SYNDIG1: variants seen among roughly 807,000 people sequenced by gnomAD.
The protein encoded by SYNDIG1 is synapse differentiation inducing 1.
SYNDIG1 carries 9 observed loss-of-function variants against 19.4 expected under a neutral mutation model. The observed-to-expected ratio is 0.46, with a 90% confidence interval of 0.28 to 0.81. The LOEUF is 0.81. Ranked by LOEUF, SYNDIG1 falls within the 30% of genes least tolerant of loss-of-function variation. SYNDIG1 has a pLI of 0.12. For missense variants in SYNDIG1, 311 were observed against 343.3 expected, an observed-to-expected ratio of 0.91 and a Z score of 0.74; for synonymous variants, 141 against 145.9, an observed-to-expected ratio of 0.97 and a Z score of 0.24.
intron 1 of SYNDIG1, among the ~76,000 whole-genome samples, chr20:24,517,381 C>T (rs1450768633): frequency 1.3e-5 from 2 of 150,268 alleles, no homozygotes; most frequent in African/African-American, 2.4e-5. Context: ...TTTGGGAGGC[C>T]GAGGCGGGCA....
At chr20:24,574,438 G>A (rs1410196006) in intron 2 of SYNDIG1, among the ~76,000 whole-genome samples, 1 of 152,058 alleles carries the variant, frequency 6.6e-6, no homozygotes, top group Non-Finnish European at 1.5e-5. Flanking sequence ...GCAGTGAGCC[G>A]AGATTGTGCC....
intron 3 of SYNDIG1, among the ~76,000 whole-genome samples, chr20:24,611,502 CT>C (rs1043185497): frequency 4.1e-4 from 62 of 152,264 alleles, no homozygotes; most frequent in African/African-American, 1.5e-3. Context: ...CCAGCACCCC[CT>C]CCCACCCATA....
intron 3 of SYNDIG1, among the ~76,000 whole-genome samples, chr20:24,590,059 G>A (rs1000216112): frequency 3.9e-5 from 6 of 152,190 alleles, no homozygotes; most frequent in African/African-American, 1.2e-4. Flanking sequence ...ACTTTTCTCC[G>A]TTTTACTCAC....
chr20:24,479,756 C>T (rs1233068499), intron 1 of SYNDIG1, among the ~76,000 whole-genome samples: 1 of 152,174 alleles, frequency 6.6e-6, no homozygotes, highest in Non-Finnish European at 1.5e-5. Flanking sequence ...CCAGGACTGC[C>T]AGGAGAGTGA....
At chr20:24,491,116 A>C (rs546698645) in intron 1 of SYNDIG1, among the ~76,000 whole-genome samples, 1 of 152,346 alleles carries the variant, frequency 6.6e-6, no homozygotes, top group Admixed American at 6.5e-5. Context: ...ATTGATAGTA[A>C]AACATACAGA....
chr20:24,570,933 C>CTA (rs1376566946), intron 2 of SYNDIG1, among the ~76,000 whole-genome samples: 5 of 152,082 alleles, frequency 3.3e-5, no homozygotes, highest in African/African-American at 4.8e-5. Flanking sequence ...TTATTATGGA[C>CTA]TATTACTCAG....
intron 1 of SYNDIG1, among the ~76,000 whole-genome samples, chr20:24,516,772 G>C (rs2056875523): frequency 6.6e-6 from 1 of 152,144 alleles, no homozygotes; most frequent in African/African-American, 2.4e-5. Flanking sequence ...ATTCCTCAAG[G>C]ATCTAGAACT....
chr20:24,636,546 C>T (rs1006003985), intron 3 of SYNDIG1, among the ~76,000 whole-genome samples: 1 of 152,172 alleles, frequency 6.6e-6, no homozygotes, highest in African/African-American at 2.4e-5. Context: ...AGCTGGCCAC[C>T]TCTCCCTAAT....
intron 1 of SYNDIG1, among the ~76,000 whole-genome samples, chr20:24,497,399 C>T (rs2056330445): frequency 6.6e-6 from 1 of 152,280 alleles, no homozygotes; most frequent in Non-Finnish European, 1.5e-5. Flanking sequence ...TGGGGTTTCA[C>T]CATGTTGGTC....
intron 2 of SYNDIG1, among the ~76,000 whole-genome samples, chr20:24,546,657 G>A (rs1403100791): frequency 6.6e-6 from 1 of 152,216 alleles, no homozygotes. Context: ...TCATTGACCA[G>A]AGCAGGTCCC....
At chr20:24,580,110 CCTT>C (rs1555802431) in intron 2 of SYNDIG1, among the ~76,000 whole-genome samples, 1 of 152,158 alleles carries the variant, frequency 6.6e-6, no homozygotes, top group Non-Finnish European at 1.5e-5. Flanking sequence ...ATTGCAGACT[CCTT>C]CGCAATGTTT....
At chr20:24,597,809 G>A (rs1323208397) in intron 3 of SYNDIG1, among the ~76,000 whole-genome samples, 1 of 152,158 alleles carries the variant, frequency 6.6e-6, no homozygotes, top group African/African-American at 2.4e-5. Flanking sequence ...TCACCTCGGT[G>A]TGCAAGAATC....
chr20:24,665,631 C>T lies in SYNDIG1; in HGVS notation c.*127C>T, dbSNP rs2059641464. ...TGATGCCACGAAGCCCTGGGATTTC[C>T]TACCCATGGATTTATTTTGTTTTTA... On this transcript the variant is annotated 3_prime_UTR_variant, in exon 4 of 4. Transcript: ENST00000376862. 9.6e-6 allele frequency: 13 copies of T among 1,357,150 alleles called. No individual in the cohort carries two copies. The highest frequency in any genetic ancestry group is 1.3e-5 in the South Asian group (1 of 74,184). 84.1% of individuals were successfully genotyped at this position (1,357,150 alleles called of 1,614,324 possible).
chr20:24,636,169 G>A (rs564843198), intron 3 of SYNDIG1, among the ~76,000 whole-genome samples: 1 of 152,130 alleles, frequency 6.6e-6, no homozygotes, highest in East Asian at 1.9e-4. Context: ...CTGCAAATAG[G>A]GTACTTCAAT....
At chr20:24,631,526 C>CT (rs2059243754) in intron 3 of SYNDIG1, among the ~76,000 whole-genome samples, 1 of 152,228 alleles carries the variant, frequency 6.6e-6, no homozygotes, top group Non-Finnish European at 1.5e-5. Flanking sequence ...TTTACCAAAA[C>CT]TTTTTTCTTC....
intron 1 of SYNDIG1, among the ~76,000 whole-genome samples, chr20:24,475,840 G>A (rs2055606967): frequency 6.6e-6 from 1 of 151,946 alleles, no homozygotes; most frequent in South Asian, 2.1e-4. Flanking sequence ...AGAGAACTGT[G>A]AGCTAATTAA....
chr20:24,649,965 C>T (rs2059454239), intron 3 of SYNDIG1, among the ~76,000 whole-genome samples: 1 of 152,222 alleles, frequency 6.6e-6, no homozygotes, highest in South Asian at 2.1e-4. Flanking sequence ...CTATGGCATA[C>T]ACTCATCTTT....
chr20:24,623,024 T>C (rs185647557), intron 3 of SYNDIG1, among the ~76,000 whole-genome samples: 43 of 152,276 alleles, frequency 2.8e-4, no homozygotes, highest in African/African-American at 9.9e-4. Flanking sequence ...TTAAAACTAC[T>C]GCAGACTTCT....
At chr20:24,661,485 GAAGA>G (rs1568723210) in intron 3 of SYNDIG1, among the ~76,000 whole-genome samples, 1 of 62,436 alleles carries the variant, frequency 1.6e-5, no homozygotes, top group Non-Finnish European at 4.0e-5. Context: ...GAAGAGGGAG[GAAGA>G]AGGGAGGGAG....
Sources: allele counts gnomAD v4.1 joint callset (sites outside exome capture counted in the v4.1 genomes callset), GRCh38; gene constraint gnomAD v4.1.1; transcripts MANE v1.5; gene names NCBI Gene and HGNC (gene_info 2026-07-23, HGNC 2026-07-21).